RO60: variants seen among roughly 807,000 people sequenced by gnomAD.
RO60 encodes the protein Ro60, Y RNA binding protein, also known as RNA-binding protein RO60.
Under a neutral mutation model 55.3 loss-of-function variants are expected in RO60, and 20 were observed. The ratio of observed to expected loss-of-function variants is 0.36; its 90% CI spans 0.25 to 0.53. The LOEUF (loss-of-function observed/expected upper bound fraction) is 0.53, where lower values mean the gene tolerates loss of function less well. Among genes scored for constraint, RO60 ranks in the 20% least tolerant of loss-of-function variants. The pLI, the probability that RO60 is intolerant of heterozygous loss-of-function variation, is 0.92. For synonymous variants in RO60, 213 were observed against 213.6 expected, an observed-to-expected ratio of 1.00 and a Z score of 0.02; for missense variants, 558 against 646.6, an observed-to-expected ratio of 0.86 and a Z score of 1.49.
At chr1:193,082,334 A>T in intron 7 of RO60, 35 bp downstream of exon 7, 1 of 1,466,582 alleles carries the variant, frequency 6.8e-7, no homozygotes, top group Non-Finnish European at 9.4e-7. Flanking sequence ...TACTTAGTTA[A>T]GTTTACATAA....
intron 1 of RO60, among the ~76,000 whole-genome samples, chr1:193,066,782 C>G (rs955964995): frequency 1.3e-5 from 2 of 152,168 alleles, no homozygotes; most frequent in African/African-American, 4.8e-5. Flanking sequence ...AAGTTATGAC[C>G]GTATCTGTCA....
chr1:193,071,340 A>G (rs558543660), intron 2 of RO60, among the ~76,000 whole-genome samples: 3 of 152,234 alleles, frequency 2.0e-5, no homozygotes, highest in East Asian at 1.9e-4. Flanking sequence ...TCCTAAACAT[A>G]TATTACTGTG....
chr1:193,059,760 T>G lies in RO60; in HGVS notation c.-38T>G, dbSNP rs772343277. The G allele has an allele frequency of 4.5e-5, 61 of 1,355,398 alleles. No individual in the cohort carries two copies. The highest frequency in any genetic ancestry group is 5.5e-5 in the Non-Finnish European group (56 of 1,017,102). The allele number at this position is 1,355,398 out of a possible 1,614,324, so 84.0% of individuals were successfully genotyped here. ...CTGGCGGCGCTGCGGATCCAGGGGGTCGGCTGCCAGGTACAGGTGAGGACA... is the reference window on the plus strand; with the variant it reads ...CTGGCGGCGCTGCGGATCCAGGGGGGCGGCTGCCAGGTACAGGTGAGGACA... On this transcript the variant is annotated 5_prime_UTR_variant, in exon 1 of 9. Transcript: ENST00000400968. This position sits in a 1 kb window ranked among gnomAD's most constrained non-coding sequence, Gnocchi z 4.9.
At chr1:193,079,660 A>T (rs1674162860) in intron 5 of RO60, among the ~76,000 whole-genome samples, 1 of 152,086 alleles carries the variant, frequency 6.6e-6, no homozygotes, top group Non-Finnish European at 1.5e-5. Flanking sequence ...CTATCAAGAC[A>T]GTTAAAAGAT....
chr1:193,063,324 T>C (rs548651399), intron 1 of RO60, among the ~76,000 whole-genome samples: 2 of 152,352 alleles, frequency 1.3e-5, no homozygotes, highest in East Asian at 3.9e-4. Flanking sequence ...TAATCTTCTT[T>C]GGAAAAACAC....
chr1:193,061,009 G>C (rs1672616776), intron 1 of RO60, among the ~76,000 whole-genome samples: 1 of 152,152 alleles, frequency 6.6e-6, no homozygotes, highest in Non-Finnish European at 1.5e-5. Context: ...GGTACCTATT[G>C]TAGAAAGACC....
At chr1:193,063,105 G>C (rs1328158161) in intron 1 of RO60, among the ~76,000 whole-genome samples, 2 of 152,194 alleles carry the variant, frequency 1.3e-5, no homozygotes, top group Non-Finnish European at 2.9e-5. Flanking sequence ...CTGCCAGACT[G>C]TTTTCCAAAG....
chr1:193,067,124 T>C (rs1673161254), intron 1 of RO60, among the ~76,000 whole-genome samples: 1 of 151,942 alleles, frequency 6.6e-6, no homozygotes, highest in African/African-American at 2.4e-5. Context: ...ATTGTGATTC[T>C]ATCCCCACAA....
At chr1:193,069,737 T>C (rs1481356211) in intron 2 of RO60, 103 bp downstream of exon 2, 4 of 895,412 alleles carry the variant, frequency 4.5e-6, no homozygotes, top group Non-Finnish European at 6.5e-6. Flanking sequence ...TTTCTAGAAA[T>C]AGCCTTTTAT....
intron 1 of RO60, among the ~76,000 whole-genome samples, chr1:193,063,149 T>G (rs1268965753): frequency 2.0e-5 from 3 of 152,222 alleles, no homozygotes; most frequent in East Asian, 3.8e-4. Context: ...ACCAGCAGTA[T>G]ATGAGCGTTT....
At chr1:193,074,351 C>G (rs574071058) in intron 2 of RO60, among the ~76,000 whole-genome samples, 213 of 152,308 alleles carry the variant, frequency 1.4e-3, no homozygotes, top group African/African-American at 5.1e-3. Context: ...ACAGTCCCAC[C>G]AACAGTGTAA....
intron 2 of RO60, among the ~76,000 whole-genome samples, chr1:193,071,630 T>G (rs577686673): frequency 4.4e-4 from 67 of 151,950 alleles, no homozygotes; most frequent in Non-Finnish European, 9.3e-4. Context: ...ATTTGAACAC[T>G]TAACTGTTGT....
At chr1:193,073,919 G>C (rs1478332244) in intron 2 of RO60, among the ~76,000 whole-genome samples, 1 of 136,006 alleles carries the variant, frequency 7.4e-6, no homozygotes, top group Admixed American at 7.9e-5. Context: ...CCTGGTGTGT[G>C]ATGTTCCCCT....
rs1672197629 is a variant in RO60, at chr1:193,059,618, T to C, written c.-180T>C. ...GCAAAAGAAGAGGGGCAGGACTCGT[T>C]CCCGGGAACCGAACCTGGAATCCCC... On this transcript the variant is annotated 5_prime_UTR_variant, in exon 1 of 9. Coordinates refer to ENST00000400968, the MANE Select transcript of RO60 (RefSeq NM_001173524.2). The surrounding 1 kb of genome is among the most constrained non-coding windows in gnomAD (Gnocchi z 4.9). The C allele has an allele frequency of 7.1e-7, 1 of 1,416,758 alleles. No individual in the cohort carries two copies. Among genetic ancestry groups the C allele is most frequent in the Admixed American group, 1.9e-5 (1 of 52,956 alleles). The allele number at this position is 1,416,758 out of a possible 1,614,324, so 87.8% of individuals were successfully genotyped here. A position where few individuals can be genotyped will look rare whatever the true frequency, so the allele number is the denominator to read the frequency against.
chr1:193,081,292 A>G lies in RO60; in HGVS notation c.1087-72A>G, dbSNP rs1024295047. The G allele has an allele frequency of 8.9e-5, 74 of 833,974 alleles. No individual in the cohort carries two copies. In the East Asian group the frequency reaches 1.9e-3, roughly 21 times the overall value. 51.7% of individuals were successfully genotyped at this position (833,974 alleles called of 1,614,324 possible). A position where few individuals can be genotyped will look rare whatever the true frequency, so the allele number is the denominator to read the frequency against. ...CAGTCTTTTTAATGTAAGATAAGTAAATATGATTTAGAAATTTAGTCTACT... is the reference window on the plus strand; with the variant it reads ...CAGTCTTTTTAATGTAAGATAAGTAGATATGATTTAGAAATTTAGTCTACT... On this transcript the variant is annotated intron_variant, in intron 5 of 8. Transcript: ENST00000400968.
rs1433169118 is a variant in RO60, at chr1:193,089,998, G to C, written c.*5267G>C. 3 of 152,098 alleles carry C rather than the reference G, an allele frequency of 2.0e-5. No individual in the cohort carries two copies. The highest frequency in any genetic ancestry group is 7.2e-5 in the African/African-American group (3 of 41,408). The allele number at this position is 152,098 out of a possible 1,614,324, so 9.4% of individuals were successfully genotyped here. A position where few individuals can be genotyped will look rare whatever the true frequency, so the allele number is the denominator to read the frequency against. ...TTTTTGTATTTTTAGTAGAGACGGG[G>C]TTTCACCATGTTGGTCAGGCTGGCC... On this transcript the variant is annotated 3_prime_UTR_variant, in exon 9 of 9. Coordinates refer to ENST00000400968, the MANE Select transcript of RO60 (RefSeq NM_001173524.2).
rs1672273723 is a variant in RO60, at chr1:193,059,783, A to G, written c.-22+7A>G. 1.5e-6 allele frequency: 2 copies of G among 1,356,584 alleles called. No individual in the cohort carries two copies. Among genetic ancestry groups the G allele is most frequent in the African/African-American group, 3.0e-5 (2 of 67,588 alleles). The allele number at this position is 1,356,584 out of a possible 1,614,324, so 84.0% of individuals were successfully genotyped here. On this transcript the variant is annotated splice_region_variant and intron_variant, in intron 1 of 8. Coordinates refer to ENST00000400968, the MANE Select transcript of RO60 (RefSeq NM_001173524.2). The surrounding 1 kb of genome is among the most constrained non-coding windows in gnomAD (Gnocchi z 4.9). ...GGTCGGCTGCCAGGTACAGGTGAGG[A>G]CATTGCGGGAGGCCGGCTGGGAGCC...
chr1:193,060,025 C>A, intron 1 of RO60: 1 of 1,352,714 alleles, frequency 7.4e-7, no homozygotes, highest in Non-Finnish European at 9.9e-7. Flanking sequence ...TTTCCGAAGC[C>A]GGGACCGCTC....
chr1:193,085,450 T>C lies in RO60; in HGVS notation c.*719T>C. Reference sequence around the variant, plus strand: ...GAGGGATTCTATTTGGTTTGCTTTTTTTTTTTTGCTTTGTTATATTTTATT... The same window carrying C: ...GAGGGATTCTATTTGGTTTGCTTTTCTTTTTTTGCTTTGTTATATTTTATT... On this transcript the variant is annotated 3_prime_UTR_variant, in exon 9 of 9. Transcript: ENST00000400968. 1 of 985,790 alleles carries C rather than the reference T, an allele frequency of 1.0e-6. No homozygotes were observed. Among genetic ancestry groups the C allele is most frequent in the Non-Finnish European group, 1.2e-6 (1 of 830,320 alleles). The allele number at this position is 985,790 out of a possible 1,614,324, so 61.1% of individuals were successfully genotyped here.
Sources: gnomAD v4.1 joint callset for allele counts (sites outside exome capture counted in the v4.1 genomes callset) on GRCh38, gnomAD v4.1.1 for gene constraint, Gnocchi (gnomAD v3.1) non-coding constraint, MANE v1.5 for transcripts, NCBI Gene and HGNC (gene_info 2026-07-23, HGNC 2026-07-21) for gene names.